The following RSPH14 variants were observed in gnomAD, a reference collection of about 807,000 sequenced individuals.
RSPH14 encodes rhabdoid tumor deletion region gene 1.
RSPH14 carries 20 observed loss-of-function variants against 26.7 expected under a neutral mutation model. The ratio of observed to expected loss-of-function variants is 0.75; its 90% CI spans 0.53 to 1.09. RSPH14 has a LOEUF of 1.09. Ranked by LOEUF, RSPH14 falls within the 50% of genes least tolerant of loss-of-function variation. RSPH14 has a pLI of 0.00. For synonymous variants in RSPH14, 177 were observed against 189.3 expected, an observed-to-expected ratio of 0.93 and a Z score of 0.53; for missense variants, 449 against 457.2, an observed-to-expected ratio of 0.98 and a Z score of 0.16.
At chr22:23,117,307 C>G (rs944443695) in intron 4 of RSPH14, among the ~76,000 whole-genome samples, 1 of 152,156 alleles carries the variant, frequency 6.6e-6, no homozygotes, top group African/African-American at 2.4e-5. Flanking sequence ...TGGCTGCAGG[C>G]GGGATGGAAA....
At chr22:23,160,971 C>A in the RSPH14 span, 5 of 1,612,836 alleles carry the variant, frequency 3.1e-6, no homozygotes, top group African/African-American at 4.0e-5. Flanking sequence ...CAGTGCCCGG[C>A]TCCAGGTCGG....
chr22:23,168,455 C>T, the RSPH14 span, among the ~76,000 whole-genome samples: 7 of 152,262 alleles, frequency 4.6e-5, no homozygotes, highest in Admixed American at 6.5e-5. Context: ...GAGGGAGAAG[C>T]GGCTCCTGGA....
At chr22:23,141,831 C>T (rs2070607466) in intron 1 of RSPH14, 118 bp downstream of exon 1, 1 of 318,730 alleles carries the variant, frequency 3.1e-6, no homozygotes, top group Non-Finnish European at 4.5e-6. Flanking sequence ...TGGGAGAGTC[C>T]GGCCGGAGAC....
chr22:23,145,090 T>C, upstream of RSPH14: 1 of 523,214 alleles, frequency 1.9e-6, no homozygotes, highest in Non-Finnish European at 3.4e-6. Flanking sequence ...AGCTGCAGGG[T>C]GCTTGACTCC....
chr22:23,086,214 G>A (rs1184731572), intron 4 of RSPH14, among the ~76,000 whole-genome samples: 3 of 152,268 alleles, frequency 2.0e-5, no homozygotes, highest in Non-Finnish European at 4.4e-5. Context: ...GGTGTGGCCA[G>A]GTTAGGCAGG....
upstream of RSPH14, among the ~76,000 whole-genome samples, chr22:23,148,202 A>G (rs1178882944): frequency 6.6e-6 from 1 of 152,020 alleles, no homozygotes; most frequent in Non-Finnish European, 1.5e-5. Flanking sequence ...TCACACACCT[A>G]CAGAGAAAGG....
chr22:23,166,147 T>TA, the RSPH14 span, among the ~76,000 whole-genome samples: 3,607 of 59,836 alleles, frequency 0.06, 234 homozygotes, highest in East Asian at 0.32. Context: ...CTCTGTCTTT[T>TA]AAAAAAAAAA....
At chr22:23,135,767 A>G (rs926551883) in intron 3 of RSPH14, among the ~76,000 whole-genome samples, 1 of 152,066 alleles carries the variant, frequency 6.6e-6, no homozygotes, top group Non-Finnish European at 1.5e-5. Context: ...AACCATTTAA[A>G]GGAAACCATT....
chr22:23,135,235 A>G (rs1196730194), intron 3 of RSPH14, among the ~76,000 whole-genome samples: 1 of 150,692 alleles, frequency 6.6e-6, no homozygotes, highest in Admixed American at 6.7e-5. Flanking sequence ...GCACTTTGGA[A>G]GGCCAAGGTG....
the RSPH14 span, among the ~76,000 whole-genome samples, chr22:23,166,443 G>A: frequency 5.3e-5 from 8 of 151,960 alleles, no homozygotes; most frequent in Admixed American, 2.6e-4. Context: ...TTTTTGTCCT[G>A]AGGCAAAGCA....
At chr22:23,081,411 G>T (rs1250498035) in intron 4 of RSPH14, among the ~76,000 whole-genome samples, 1 of 152,158 alleles carries the variant, frequency 6.6e-6, no homozygotes, top group Non-Finnish European at 1.5e-5. Context: ...CATTTCTTAG[G>T]TCTTCCTGCT....
At chr22:23,123,752 C>A in intron 4 of RSPH14, 6 of 336,808 alleles carry the variant, frequency 1.8e-5, no homozygotes, top group South Asian at 8.0e-5. Flanking sequence ...CTTTGCCTTC[C>A]TGAGTTGGCC....
chr22:23,104,586 T>C (rs765424123), intron 4 of RSPH14, among the ~76,000 whole-genome samples: 39 of 152,196 alleles, frequency 2.6e-4, no homozygotes, highest in Non-Finnish European at 4.3e-4. Context: ...ATTACTATTG[T>C]TTTAAGGGAT....
At chr22:23,130,150 A>G (rs1301933059) in intron 4 of RSPH14, among the ~76,000 whole-genome samples, 6 of 131,694 alleles carry the variant, frequency 4.6e-5, no homozygotes, top group Non-Finnish European at 9.9e-5. Context: ...AAAGAAAGAA[A>G]GAAAGAAAGA....
the RSPH14 span, among the ~76,000 whole-genome samples, chr22:23,172,410 T>C: frequency 3.6e-4 from 50 of 139,368 alleles, no homozygotes; most frequent in Admixed American, 2.4e-3. Flanking sequence ...AGCGAGATTC[T>C]GTCTCAAAAA....
chr22:23,168,488 G>A, the RSPH14 span, among the ~76,000 whole-genome samples: 157 of 147,868 alleles, frequency 1.1e-3, no homozygotes, highest in African/African-American at 3.4e-3. Flanking sequence ...CCTGGGCACC[G>A]CTCCCCGCCA....
intron 4 of RSPH14, among the ~76,000 whole-genome samples, chr22:23,107,693 G>T (rs959436382): frequency 6.6e-6 from 1 of 152,178 alleles, no homozygotes; most frequent in Non-Finnish European, 1.5e-5. Flanking sequence ...CAGTGGAGTC[G>T]GGTCCTGGGC....
chr22:23,097,505 C>T (rs926488461), intron 4 of RSPH14, among the ~76,000 whole-genome samples: 1 of 152,234 alleles, frequency 6.6e-6, no homozygotes, highest in East Asian at 1.9e-4. Flanking sequence ...CTCCCCTCCT[C>T]GCATCAGGGG....
At chr22:23,076,164 G>C (rs2068501522) in intron 4 of RSPH14, among the ~76,000 whole-genome samples, 1 of 152,202 alleles carries the variant, frequency 6.6e-6, no homozygotes, top group African/African-American at 2.4e-5. Flanking sequence ...ATGTAGAACA[G>C]CGCCATGTTC....
Sources: allele counts gnomAD v4.1 joint callset (sites outside exome capture counted in the v4.1 genomes callset), GRCh38; gene constraint gnomAD v4.1.1; transcripts MANE v1.5; gene names NCBI Gene and HGNC (gene_info 2026-07-23, HGNC 2026-07-21).